Variants in TNRC6A observed in about 807,000 individuals in gnomAD.
TNRC6A encodes trinucleotide repeat-containing gene 6A protein.
TNRC6A carries 44 observed loss-of-function variants against 221.2 expected under a neutral mutation model. The observed-to-expected ratio is 0.20, with a 90% confidence interval of 0.16 to 0.26. The LOEUF (loss-of-function observed/expected upper bound fraction) is 0.26. TNRC6A is among the 10% of genes least tolerant of loss of function. The probability of loss-of-function intolerance (pLI) is 1.00; values close to 1 mark genes in which losing one functional copy is unlikely to be tolerated. For synonymous variants in TNRC6A, 847 were observed against 838.5 expected, an observed-to-expected ratio of 1.01 and a Z score of -0.18; for missense variants, 2,199 against 2,404.4, an observed-to-expected ratio of 0.91 and a Z score of 1.79.
intron 2 of TNRC6A, among the ~76,000 whole-genome samples, chr16:24,655,199 G>A (rs377077343): frequency 6.6e-6 from 1 of 152,180 alleles, no homozygotes; most frequent in East Asian, 1.9e-4. Flanking sequence ...AGAAGTGATC[G>A]TGCCACTGCA....
In TNRC6A at chr16:24,798,065, G is replaced by A. The variant is rs2058257013; in HGVS notation, c.3694+99G>A. The A allele has an allele frequency of 2.9e-6, 3 of 1,018,714 alleles. No homozygotes were observed. The Admixed American group carries it at 7.0e-5, about 24-fold the overall frequency. 63.1% of individuals were successfully genotyped at this position (1,018,714 alleles called of 1,614,324 possible). A position where few individuals can be genotyped will look rare whatever the true frequency, so the allele number is the denominator to read the frequency against. ...AGCCCTGACGTAGATCAGGACAGGG[G>A]AGGCTGTGCTCTCCAATAGACGTAC... On this transcript the variant is annotated intron_variant, in intron 11 of 24. Coordinates refer to ENST00000395799, the MANE Select transcript of TNRC6A (RefSeq NM_014494.4).
At chr16:24,781,068 T>G (rs866003337) in intron 5 of TNRC6A, among the ~76,000 whole-genome samples, 2 of 145,558 alleles carry the variant, frequency 1.4e-5, no homozygotes, top group Non-Finnish European at 3.0e-5. Flanking sequence ...TTTTTTTTTT[T>G]GGAGGAGACA....
In TNRC6A at chr16:24,777,279, C is replaced by T; in HGVS notation, c.510C>T (p.Asn170=). 6.2e-7 allele frequency: 1 copy of T among 1,614,190 alleles called. No individual in the cohort carries two copies. ...TTGGATCTGCTGTTAAGGTGTTAAA[C>T]AGCCAGTCAGAAAGCAGTGCTTTAA... ...ANLGSAVKVL[N]SQSESSALTN... The change falls in exon 5 of 25, where the codon AAC becomes AAT. Residue 170 remains asparagine, a synonymous_variant. Coordinates refer to ENST00000395799, the MANE Select transcript of TNRC6A (RefSeq NM_014494.4).
At chr16:24,800,326 G>A (rs1228163869) in intron 11 of TNRC6A, among the ~76,000 whole-genome samples, 2 of 152,198 alleles carry the variant, frequency 1.3e-5, no homozygotes, top group African/African-American at 4.8e-5. Context: ...TTTTTAGGAT[G>A]TTGTCTCCCA....
At chr16:24,815,096 T>C (rs550667948) in intron 18 of TNRC6A, 51 bp from the exon 19 acceptor site, 2 of 1,587,078 alleles carry the variant, frequency 1.3e-6, no homozygotes, top group Non-Finnish European at 1.7e-6. Context: ...CTATAAGAAA[T>C]AAATCTGTGT....
chr16:24,657,307 G>A (rs1339069327), intron 2 of TNRC6A, among the ~76,000 whole-genome samples: 1 of 98,922 alleles, frequency 1.0e-5, no homozygotes. Flanking sequence ...AACAGAGTGA[G>A]ACCCTATCTC....
At chr16:24,822,255 C>G in intron 23 of TNRC6A, 108 bp downstream of exon 23, 2 of 1,048,216 alleles carry the variant, frequency 1.9e-6, no homozygotes, top group Non-Finnish European at 2.9e-6. Context: ...TGAAGCCGAG[C>G]AGAGGAAACA....
chr16:24,730,406 A>C (rs1596561567), intron 2 of TNRC6A, 106 bp downstream of exon 2: 2 of 1,351,064 alleles, frequency 1.5e-6, no homozygotes, highest in Non-Finnish European at 2.0e-6. Flanking sequence ...TTTCTTCCGC[A>C]CCCGGAGAGC....
chr16:24,627,996 C>A (rs1194611659), intron 1 of TNRC6A, among the ~76,000 whole-genome samples: 1 of 151,770 alleles, frequency 6.6e-6, no homozygotes, highest in African/African-American at 2.4e-5. Context: ...GGCACTTGGC[C>A]ATCTTTCTTG....
At position 24,816,808 on chromosome 16, in the gene TNRC6A, GT is replaced by G; in HGVS notation, c.4832-5del. ...AGCTTTGAACTAATTTTAAATTTCC[GT>G]TTCCAGAATTTCGTCCTGGTGAGCC... On this transcript the variant is annotated splice_region_variant and splice_polypyrimidine_tract_variant and intron_variant, in intron 19 of 24. Coordinates refer to ENST00000395799, the MANE Select transcript of TNRC6A (RefSeq NM_014494.4). 1 of 1,599,538 alleles carries G rather than the reference GT, an allele frequency of 6.3e-7. No individual in the cohort carries two copies. The highest frequency in any genetic ancestry group is 8.5e-7 in the Non-Finnish European group (1 of 1,175,082).
chr16:24,697,102 C>T (rs1160614918), intron 2 of TNRC6A, among the ~76,000 whole-genome samples: 2 of 152,090 alleles, frequency 1.3e-5, no homozygotes, highest in Non-Finnish European at 2.9e-5. Flanking sequence ...AACACTGAGG[C>T]CTGAAAGTTT....
At chr16:24,663,625 C>CT (rs1238537500) in intron 2 of TNRC6A, 1 of 182,550 alleles carries the variant, frequency 5.5e-6, no homozygotes, top group Admixed American at 5.7e-5. Context: ...CAGGCAGGAG[C>CT]TTGCAGCTGT....
At chr16:24,634,846 C>T (rs1378459193) in intron 1 of TNRC6A, among the ~76,000 whole-genome samples, 1 of 152,178 alleles carries the variant, frequency 6.6e-6, no homozygotes, top group East Asian at 1.9e-4. Context: ...AGATATCAAG[C>T]CTGTGTCTTG....
intron 5 of TNRC6A, among the ~76,000 whole-genome samples, chr16:24,782,435 C>T (rs954594003): frequency 3.3e-5 from 5 of 152,210 alleles, no homozygotes; most frequent in Non-Finnish European, 5.9e-5. Flanking sequence ...GGGCTGCTTT[C>T]AAGCTACAAT....
chr16:24,687,800 G>A (rs72768627), intron 2 of TNRC6A, among the ~76,000 whole-genome samples: 1 of 115,338 alleles, frequency 8.7e-6, no homozygotes, highest in African/African-American at 3.1e-5. Context: ...GAAGGAGAAG[G>A]AGAAGGAGAG....
rs775344625 is a variant in TNRC6A at position 24,820,123 on chromosome 16, T to C, written c.5081-16T>C. The C allele has an allele frequency of 1.2e-5, 20 of 1,609,468 alleles. No homozygotes were observed. The highest frequency in any genetic ancestry group is 1.7e-5 in the Non-Finnish European group (20 of 1,175,778). Reference sequence around the variant, plus strand: ...ACATTATTCCTCCCCTCTCCATTTTTTCCCCCTTTGAGTAGCCAGAAATAG... The same window carrying C: ...ACATTATTCCTCCCCTCTCCATTTTCTCCCCCTTTGAGTAGCCAGAAATAG... On this transcript the variant is annotated splice_polypyrimidine_tract_variant and intron_variant, in intron 21 of 24. Transcript: ENST00000395799.
chr16:24,777,488 T>C, intron 5 of TNRC6A, 130 bp downstream of exon 5: 3 of 812,338 alleles, frequency 3.7e-6, no homozygotes, highest in Non-Finnish European at 5.7e-6. Context: ...AAGAGTTCTT[T>C]ATAGGGAGTT....
At chr16:24,651,520 A>G (rs1364656056) in intron 2 of TNRC6A, among the ~76,000 whole-genome samples, 1 of 146,362 alleles carries the variant, frequency 6.8e-6, no homozygotes, top group African/African-American at 2.5e-5. Context: ...CCTGGGCAAC[A>G]AGAGGAAAAC....
intron 2 of TNRC6A, among the ~76,000 whole-genome samples, chr16:24,664,657 A>G (rs913983486): frequency 1.5e-5 from 2 of 135,970 alleles, no homozygotes; most frequent in South Asian, 2.4e-4. Context: ...TATTAATAAT[A>G]AATTTATTAT....
Sources: allele counts gnomAD v4.1 joint callset (sites outside exome capture counted in the v4.1 genomes callset), GRCh38; gene constraint gnomAD v4.1.1; transcripts MANE v1.5; gene names NCBI Gene and HGNC (gene_info 2026-07-23, HGNC 2026-07-21).